HSDL2: variants seen among roughly 807,000 people sequenced by gnomAD.
HSDL2 encodes the protein hydroxysteroid dehydrogenase-like protein 2.
In HSDL2, 27 loss-of-function variants were observed where a neutral mutation model predicts 46.3. The ratio of observed to expected loss-of-function variants is 0.58; its 90% confidence interval spans 0.43 to 0.80. HSDL2 has a LOEUF of 0.80. Ranked by LOEUF, HSDL2 falls within the 30% of genes least tolerant of loss-of-function variation. HSDL2 has a pLI of 0.00. For missense variants in HSDL2, 451 were observed against 502.7 expected (o/e 0.90, Z 0.98); for synonymous variants, 153 against 163.6 (o/e 0.94, Z 0.50).
chr9:112,413,945 G>A (rs949105746), intron 4 of HSDL2: 12 of 207,592 alleles, frequency 5.8e-5, no homozygotes, highest in African/African-American at 2.1e-4. Context: ...TATTTGTCCC[G>A]GTTGGCTAGC....
In HSDL2 at chr9:112,471,978, A is replaced by C. The variant is rs531114862; in HGVS notation, c.*1434A>C. ...AGCAGAGGATCAGAGATGGGAAAGG[A>C]CTAGCCCAAGGCCAACATTAACAAG... On this transcript the variant is annotated 3_prime_UTR_variant, in exon 11 of 11. Coordinates refer to ENST00000398805, the MANE Select transcript of HSDL2 (RefSeq NM_032303.5). The C allele has an allele frequency of 6.6e-6, 1 of 152,354 alleles. No individual in the cohort carries two copies. Among genetic ancestry groups the C allele is most frequent in the South Asian group, 2.1e-4 (1 of 4,834 alleles). 9.4% of individuals were successfully genotyped at this position (152,354 alleles called of 1,614,324 possible).
chr9:112,426,599 T>C (rs1394907957), intron 6 of HSDL2, among the ~76,000 whole-genome samples: 1 of 152,184 alleles, frequency 6.6e-6, no homozygotes, highest in Non-Finnish European at 1.5e-5. Context: ...TAAAATGTAC[T>C]AGCCTGTGAT....
intron 1 of HSDL2, among the ~76,000 whole-genome samples, chr9:112,401,473 CAGAG>C (rs777565042): frequency 1.6e-4 from 23 of 141,370 alleles, no homozygotes; most frequent in South Asian, 4.4e-4. Context: ...AAAAAAGTAG[CAGAG>C]AGCTAATGTT....
At chr9:112,397,848 C>T (rs1440500584) in intron 1 of HSDL2, among the ~76,000 whole-genome samples, 1 of 152,198 alleles carries the variant, frequency 6.6e-6, no homozygotes, top group African/African-American at 2.4e-5. Flanking sequence ...ATACTGAGTA[C>T]AAGCATCCTT....
intron 4 of HSDL2, among the ~76,000 whole-genome samples, chr9:112,411,611 G>T (rs1831870543): frequency 6.6e-6 from 1 of 152,202 alleles, no homozygotes; most frequent in Non-Finnish European, 1.5e-5. Flanking sequence ...GGAGGCGGAG[G>T]CTGCAGTAAG....
chr9:112,458,493 T>C (rs1053653445), intron 9 of HSDL2, among the ~76,000 whole-genome samples: 14 of 151,442 alleles, frequency 9.2e-5, no homozygotes, highest in Non-Finnish European at 2.1e-4. Flanking sequence ...ACCTGGCTAA[T>C]TTTTTGTATT....
At chr9:112,417,089 G>C (rs924255434) in intron 5 of HSDL2, 145 bp downstream of exon 5, 3 of 446,852 alleles carry the variant, frequency 6.7e-6, no homozygotes, top group Non-Finnish European at 1.2e-5. Context: ...CATTTGGAAA[G>C]TAGATTCTTC....
chr9:112,419,012 CTTATTA>C, intron 6 of HSDL2, 54 bp downstream of exon 6: 4 of 939,510 alleles, frequency 4.3e-6, no homozygotes, highest in Non-Finnish European at 6.7e-6. Flanking sequence ...GTCCTTGACA[CTTATTA>C]TTATTTTTTG....
intron 9 of HSDL2, among the ~76,000 whole-genome samples, chr9:112,459,007 AAAAAAC>A (rs1564133451): frequency 1.9e-3 from 1 of 534 alleles, no homozygotes; most frequent in East Asian, 8.9e-3. Context: ...AAAAGAAAAC[AAAAAAC>A]AAAAACAAAA....
intron 6 of HSDL2, among the ~76,000 whole-genome samples, chr9:112,437,803 T>C (rs957578296): frequency 1.6e-4 from 25 of 152,222 alleles, no homozygotes; most frequent in African/African-American, 5.8e-4. Flanking sequence ...TCTTCAGTTA[T>C]TCCTTAAACA....
At chr9:112,395,851 G>A (rs1831443802) in intron 1 of HSDL2, among the ~76,000 whole-genome samples, 1 of 152,192 alleles carries the variant, frequency 6.6e-6, no homozygotes, top group African/African-American at 2.4e-5. Flanking sequence ...TAACTGTTCA[G>A]AAACCAATTG....
chr9:112,460,116 T>G (rs948928716), intron 10 of HSDL2, among the ~76,000 whole-genome samples: 5 of 152,178 alleles, frequency 3.3e-5, no homozygotes, highest in African/African-American at 1.2e-4. Context: ...TAAGGATAAT[T>G]TTCTCTTTTC....
intron 8 of HSDL2, among the ~76,000 whole-genome samples, chr9:112,447,300 G>T (rs1832777111): frequency 6.6e-6 from 1 of 151,948 alleles, no homozygotes; most frequent in South Asian, 2.1e-4. Context: ...TTTGTCTCCT[G>T]AAGTTTTTTT....
Position 112,454,033 on chromosome 9 carries a change from G to C in HSDL2, c.886G>C (p.Glu296Gln), listed in dbSNP as rs1276226484. 6.2e-7 allele frequency: 1 copy of C among 1,613,886 alleles called. No homozygotes were observed. The highest frequency in any genetic ancestry group is 1.1e-5 in the South Asian group (1 of 91,040). ...ESTGAVPEFK[E>Q]EKLQLQPKPR... ...TATAGGTGCTGTTCCAGAATTCAAA[G>C]AAGAGAAACTGCAGCTGCAACCAAA... Residue 296 changes from glutamate to glutamine, a missense_variant, in exon 9 of 11, where the codon GAA becomes CAA. Transcript: ENST00000398805.
chr9:112,460,601 T>A, intron 10 of HSDL2, among the ~76,000 whole-genome samples: 1 of 151,898 alleles, frequency 6.6e-6, no homozygotes, highest in Non-Finnish European at 1.5e-5. Flanking sequence ...ATACAAAAAT[T>A]GGTTGGGTGT....
At chr9:112,420,524 C>A (rs373754579) in intron 6 of HSDL2, among the ~76,000 whole-genome samples, 3,530 of 150,560 alleles carry the variant, frequency 0.023, 151 homozygotes, top group African/African-American at 0.08. Flanking sequence ...AAAACACACA[C>A]AAAAAAAACC....
intron 6 of HSDL2, among the ~76,000 whole-genome samples, chr9:112,424,747 T>C (rs571987838): frequency 1.3e-5 from 2 of 151,998 alleles, no homozygotes; most frequent in African/African-American, 4.8e-5. Context: ...AAAACATATT[T>C]CCAAAAGCAG....
intron 3 of HSDL2, among the ~76,000 whole-genome samples, chr9:112,407,739 T>A (rs10981395): frequency 6.6e-6 from 1 of 152,232 alleles, no homozygotes; most frequent in Non-Finnish European, 1.5e-5. Flanking sequence ...TTTAATTTTT[T>A]AAAATTGTGG....
chr9:112,382,917 T>C (rs779802103), intron 1 of HSDL2, among the ~76,000 whole-genome samples: 3 of 151,456 alleles, frequency 2.0e-5, no homozygotes, highest in Non-Finnish European at 2.9e-5. Context: ...TTAAGGCTTT[T>C]GCATTTTTGA....
Sources: allele counts gnomAD v4.1 joint callset (sites outside exome capture counted in the v4.1 genomes callset), GRCh38; gene constraint gnomAD v4.1.1; transcripts MANE v1.5; gene names NCBI Gene and HGNC (gene_info 2026-07-23, HGNC 2026-07-21).